OLA1: variants seen among roughly 807,000 people sequenced by gnomAD.
OLA1 encodes obg-like ATPase 1.
Under a neutral mutation model 48.4 loss-of-function variants are expected in OLA1, and 14 were observed. The observed-to-expected ratio is 0.29, with a 90% CI of 0.19 to 0.45. The LOEUF is 0.45. OLA1 is among the 20% of genes least tolerant of loss of function. OLA1 has a pLI of 1.00. For synonymous variants in OLA1, 127 were observed against 150.4 expected, an observed-to-expected ratio of 0.84 and a Z score of 1.14; for missense variants, 325 against 467.1, an observed-to-expected ratio of 0.70 and a Z score of 2.80.
intron 4 of OLA1, among the ~76,000 whole-genome samples, chr2:174,202,376 C>T (rs1286543186): frequency 6.6e-6 from 1 of 152,198 alleles, no homozygotes; most frequent in Admixed American, 6.5e-5. Context: ...TTGAGTGTTG[C>T]GAGTATCCGC....
intron 5 of OLA1, among the ~76,000 whole-genome samples, chr2:174,140,391 C>T (rs1264750788): frequency 1.3e-5 from 2 of 149,820 alleles, no homozygotes; most frequent in African/African-American, 2.5e-5. Flanking sequence ...TAATTGAGAC[C>T]GAGTCTCACT....
intron 7 of OLA1, among the ~76,000 whole-genome samples, chr2:174,099,928 T>G (rs1001434030): frequency 1.3e-5 from 2 of 152,218 alleles, no homozygotes; most frequent in Non-Finnish European, 2.9e-5. Context: ...ATCTTTCCAT[T>G]GTAATCAAAG....
intron 5 of OLA1, among the ~76,000 whole-genome samples, chr2:174,126,487 A>G (rs965409504): frequency 1.3e-5 from 2 of 152,158 alleles, no homozygotes; most frequent in African/African-American, 4.8e-5. Context: ...AATTCTGTAC[A>G]TTATAGAGAT....
intron 4 of OLA1, among the ~76,000 whole-genome samples, chr2:174,198,406 G>A (rs1687924855): frequency 1.3e-5 from 2 of 152,252 alleles, no homozygotes; most frequent in African/African-American, 4.8e-5. Context: ...ACTAATATAG[G>A]CTTCTGGATA....
chr2:174,110,032 C>T (rs748047709), intron 7 of OLA1, among the ~76,000 whole-genome samples: 4 of 151,654 alleles, frequency 2.6e-5, no homozygotes, highest in African/African-American at 7.3e-5. Context: ...ATTTAGCTCC[C>T]GCTTATAAGT....
At chr2:174,165,030 A>G (rs1687128626) in intron 4 of OLA1, among the ~76,000 whole-genome samples, 1 of 152,234 alleles carries the variant, frequency 6.6e-6, no homozygotes, top group Non-Finnish European at 1.5e-5. Flanking sequence ...AGAGACAGAA[A>G]GAAATTAAGA....
chr2:174,196,354 CT>C (rs2105428056), intron 4 of OLA1, among the ~76,000 whole-genome samples: 1 of 152,254 alleles, frequency 6.6e-6, no homozygotes, highest in East Asian at 1.9e-4. Flanking sequence ...ATTTTCCACA[CT>C]TTATCTCTTA....
In OLA1 at chr2:174,136,629, C is replaced by T. The variant is rs951423928; in HGVS notation, c.549+5196G>A. Among the ~76,000 whole-genome samples the T allele has an allele frequency of 2.6e-5, 4 of 151,844 alleles. No homozygotes were observed. The East Asian group carries it at 7.7e-4, about 29-fold the overall frequency. ...TTTGGAATCAACTCATCCCAAACCC[C>T]TATTAATGTTGATGTTTTGACCTCT... On this transcript the variant is annotated intron_variant, in intron 5 of 10. Transcript: ENST00000284719.
chr2:174,086,104 G>A (rs188360019), intron 7 of OLA1, among the ~76,000 whole-genome samples: 6 of 152,268 alleles, frequency 3.9e-5, no homozygotes, highest in Non-Finnish European at 5.9e-5. Flanking sequence ...AGAGATCTAC[G>A]GAGGGTCCTG....
chr2:174,119,851 T>C (rs1685872714), intron 7 of OLA1, among the ~76,000 whole-genome samples: 2 of 152,070 alleles, frequency 1.3e-5, no homozygotes, highest in South Asian at 4.1e-4. Context: ...ATCAATTTCA[T>C]CACTCAGATT....
intron 7 of OLA1, among the ~76,000 whole-genome samples, chr2:174,098,639 C>T (rs1685314412): frequency 6.6e-6 from 1 of 152,098 alleles, no homozygotes; most frequent in Non-Finnish European, 1.5e-5. Flanking sequence ...AAGGGGGATA[C>T]GGGCCATGCC....
At chr2:174,101,228 T>C (rs888757403) in intron 7 of OLA1, among the ~76,000 whole-genome samples, 12 of 152,252 alleles carry the variant, frequency 7.9e-5, no homozygotes, top group African/African-American at 2.9e-4. Flanking sequence ...TATGAAATCA[T>C]ATTCAATTAT....
intron 4 of OLA1, among the ~76,000 whole-genome samples, chr2:174,166,403 A>T (rs1489218151): frequency 1.3e-5 from 2 of 152,186 alleles, no homozygotes; most frequent in Non-Finnish European, 1.5e-5. Flanking sequence ...CAAGAAGACA[A>T]GGAAGCTCTC....
intron 4 of OLA1, among the ~76,000 whole-genome samples, chr2:174,179,020 A>G (rs1687475565): frequency 1.3e-5 from 2 of 151,944 alleles, no homozygotes; most frequent in African/African-American, 4.8e-5. Flanking sequence ...TCTGAGCTAT[A>G]TAACTTATAT....
intron 4 of OLA1, among the ~76,000 whole-genome samples, chr2:174,204,596 T>C (rs1188924082): frequency 6.6e-6 from 1 of 152,014 alleles, no homozygotes; most frequent in Non-Finnish European, 1.5e-5. Context: ...AATAGCAAAA[T>C]AACTGAAAAC....
At chr2:174,192,752 C>T (rs1021580564) in intron 4 of OLA1, among the ~76,000 whole-genome samples, 2 of 152,140 alleles carry the variant, frequency 1.3e-5, no homozygotes, top group Admixed American at 1.3e-4. Context: ...AAAACATTCT[C>T]ATTAGGCACA....
chr2:174,146,251 T>C (rs1050407028), intron 4 of OLA1, among the ~76,000 whole-genome samples: 2 of 152,214 alleles, frequency 1.3e-5, no homozygotes, highest in African/African-American at 2.4e-5. Flanking sequence ...AGTCTGGATA[T>C]TGACTGGATA....
chr2:174,169,383 C>A (rs567217507), intron 4 of OLA1, among the ~76,000 whole-genome samples: 2 of 152,218 alleles, frequency 1.3e-5, no homozygotes, highest in East Asian at 3.9e-4. Flanking sequence ...CTAAGACATA[C>A]AATAGCAGAG....
intron 4 of OLA1, among the ~76,000 whole-genome samples, chr2:174,220,289 A>G (rs905141763): frequency 6.6e-6 from 1 of 152,186 alleles, no homozygotes; most frequent in Non-Finnish European, 1.5e-5. Context: ...TTAAGGCAGC[A>G]GGCTCCTTTC....
Sources: gnomAD v4.1 joint callset for allele counts (sites outside exome capture counted in the v4.1 genomes callset) on GRCh38, gnomAD v4.1.1 for gene constraint, MANE v1.5 for transcripts, NCBI Gene and HGNC (gene_info 2026-07-23, HGNC 2026-07-21) for gene names.